Variants in GRID2 observed in about 807,000 individuals in gnomAD.
GRID2 encodes the protein glutamate ionotropic receptor delta type subunit 2.
A neutral mutation model predicts 114.8 loss-of-function variants in GRID2; 33 were observed. The ratio of observed to expected loss-of-function variants is 0.29; its 90% CI spans 0.22 to 0.38. GRID2 has a LOEUF of 0.38. Ranked by LOEUF, GRID2 falls within the 10% of genes least tolerant of loss-of-function variation. The pLI is 1.00. For missense variants in GRID2, 1,184 were observed against 1,257.7 expected, an observed-to-expected ratio of 0.94 and a Z score of 0.89; for synonymous variants, 505 against 449.9, an observed-to-expected ratio of 1.12 and a Z score of -1.55.
At chr4:93,616,852 A>G (rs994919313) in intron 13 of GRID2, among the ~76,000 whole-genome samples, 1 of 150,704 alleles carries the variant, frequency 6.6e-6, no homozygotes, top group African/African-American at 2.4e-5. Context: ...AAAATTAGCC[A>G]GGCGTGGTGG....
chr4:92,330,873 G>A (rs1484664525), intron 1 of GRID2, among the ~76,000 whole-genome samples: 1 of 152,034 alleles, frequency 6.6e-6, no homozygotes, highest in Non-Finnish European at 1.5e-5. Context: ...CTTCTCAAAT[G>A]TATATGAAAA....
At chr4:93,722,470 G>C (rs1382859775) in intron 14 of GRID2, among the ~76,000 whole-genome samples, 1 of 152,052 alleles carries the variant, frequency 6.6e-6, no homozygotes, top group African/African-American at 2.4e-5. Flanking sequence ...CAACACATCA[G>C]TGTCACTTCA....
chr4:92,450,934 T>C (rs1008472837), intron 1 of GRID2, among the ~76,000 whole-genome samples: 1 of 149,652 alleles, frequency 6.7e-6, no homozygotes, highest in African/African-American at 2.4e-5. Context: ...AAATTTAAAT[T>C]AAAATAAATT....
intron 4 of GRID2, 131 bp from the exon 5 acceptor site, chr4:93,207,273 A>G (rs552625094): frequency 7.1e-6 from 5 of 709,006 alleles, no homozygotes; most frequent in Admixed American, 4.2e-5. Flanking sequence ...TAATTTTTCC[A>G]TCTTCAATTG....
intron 14 of GRID2, among the ~76,000 whole-genome samples, chr4:93,637,314 G>T (rs1721497635): frequency 6.6e-6 from 1 of 152,078 alleles, no homozygotes; most frequent in South Asian, 2.1e-4. Flanking sequence ...AATATTATTA[G>T]TAGCTTTATT....
At position 93,224,614 on chromosome 4, in the gene GRID2, A is replaced by C. The variant is rs1338283545; in HGVS notation, c.964A>C (p.Ile322Leu). The change falls in exon 7 of 16, where the codon ATT (isoleucine) becomes CTT (leucine). Residue 322 changes from isoleucine (I) to leucine (L), a missense_variant and splice_region_variant. Around this residue, in one of 3 missense-constraint regions of GRID2, gnomAD observed 455 missense variants for 429.5 expected, o/e 1.06. Transcript: ENST00000282020. Reference protein sequence around the residue: ...PKDPFAQNMEISNLYIYDTVL... With the variant: ...PKDPFAQNMELSNLYIYDTVL... Reference sequence around the variant, plus strand: ...TGATCACTTTCTAATGTCTTTTCAGATTTCCAACCTTTACATATATGACAC... The same window carrying C: ...TGATCACTTTCTAATGTCTTTTCAGCTTTCCAACCTTTACATATATGACAC... The C allele has an allele frequency of 1.9e-6, 3 of 1,601,500 alleles. No individual in the cohort carries two copies. The African/African-American group carries it at 4.0e-5, about 22-fold the overall frequency.
chr4:92,932,786 T>C (rs950615697), intron 2 of GRID2, among the ~76,000 whole-genome samples: 2 of 151,288 alleles, frequency 1.3e-5, no homozygotes, highest in Admixed American at 6.6e-5. Flanking sequence ...AAAGTCTTTA[T>C]TGAGCTAAAA....
intron 2 of GRID2, among the ~76,000 whole-genome samples, chr4:92,771,112 T>A (rs2149352162): frequency 6.6e-6 from 1 of 152,256 alleles, no homozygotes; most frequent in South Asian, 2.1e-4. Flanking sequence ...AAACAAAACA[T>A]AATTTGCTTT....
intron 2 of GRID2, among the ~76,000 whole-genome samples, chr4:92,690,628 G>C (rs531116630): frequency 6.6e-6 from 1 of 152,072 alleles, no homozygotes; most frequent in Non-Finnish European, 1.5e-5. Context: ...AACAATATCC[G>C]TGGCATGCAA....
At chr4:92,555,344 A>G (rs1726800401) in intron 1 of GRID2, among the ~76,000 whole-genome samples, 1 of 152,218 alleles carries the variant, frequency 6.6e-6, no homozygotes, top group Non-Finnish European at 1.5e-5. Flanking sequence ...GGAGAAGAAC[A>G]TACCAGGATG....
At chr4:92,928,426 A>G (rs999306859) in intron 2 of GRID2, among the ~76,000 whole-genome samples, 1 of 151,646 alleles carries the variant, frequency 6.6e-6, no homozygotes. Flanking sequence ...AAATACACTA[A>G]TAGAGTTTCC....
At chr4:93,136,869 A>C (rs1362596978) in intron 4 of GRID2, among the ~76,000 whole-genome samples, 1 of 152,150 alleles carries the variant, frequency 6.6e-6, no homozygotes, top group Non-Finnish European at 1.5e-5. Context: ...TCCAAATCTT[A>C]AAGGCAAGGT....
intron 13 of GRID2, among the ~76,000 whole-genome samples, chr4:93,533,537 C>CTTTTTTTTTTTTTT (rs34014956): frequency 1.0e-4 from 9 of 86,512 alleles, no homozygotes; most frequent in East Asian, 6.6e-4. Context: ...CCACACCCAG[C>CTTTTTTTTTTTTTT]TTTTTTTTTT....
At chr4:93,083,076 A>G (rs1192268551) in intron 2 of GRID2, among the ~76,000 whole-genome samples, 1 of 152,122 alleles carries the variant, frequency 6.6e-6, no homozygotes, top group Non-Finnish European at 1.5e-5. Context: ...AAAATATTAT[A>G]TTTACTTAAT....
At chr4:92,627,468 CAAA>C (rs1730579103) in intron 2 of GRID2, among the ~76,000 whole-genome samples, 1 of 151,864 alleles carries the variant, frequency 6.6e-6, no homozygotes, top group African/African-American at 2.4e-5. Flanking sequence ...AGAAGTGTAA[CAAA>C]TAATATTTTA....
rs941877253 is a variant in GRID2, at chr4:93,580,163, G to A, written c.2194-46106G>A. ...AACATTTCTTCTTTGGTGTGTAGGG[G>A]TGAGATTTTTCAGTGAAGTGCTGCC... On this transcript the variant is annotated intron_variant, in intron 13 of 15. Transcript: ENST00000282020. Among the ~76,000 whole-genome samples, 41 of 152,272 alleles carry A rather than the reference G, an allele frequency of 2.7e-4. 1 individual carries two copies. The highest frequency in any genetic ancestry group is 2.6e-3 in the Admixed American group (39 of 15,288).
chr4:92,333,590 C>T (rs1727008074), intron 1 of GRID2, among the ~76,000 whole-genome samples: 1 of 152,048 alleles, frequency 6.6e-6, no homozygotes. Flanking sequence ...TAAATTTTTC[C>T]CTTCTGCTTC....
intron 4 of GRID2, among the ~76,000 whole-genome samples, chr4:93,116,753 T>TG (rs1201289887): frequency 1.2e-4 from 18 of 150,360 alleles, no homozygotes; most frequent in South Asian, 4.2e-4. Context: ...GGAAGAGGGT[T>TG]TTTTTTTTTT....
At chr4:93,152,166 A>T (rs1335387406) in intron 4 of GRID2, among the ~76,000 whole-genome samples, 1 of 152,170 alleles carries the variant, frequency 6.6e-6, no homozygotes, top group Non-Finnish European at 1.5e-5. Context: ...ATACAAAATA[A>T]TATAATTAAC....
Sources: allele counts gnomAD v4.1 joint callset (sites outside exome capture counted in the v4.1 genomes callset), GRCh38; gene constraint gnomAD v4.1.1; regional missense constraint gnomAD v4.1.1; transcripts MANE v1.5; gene names NCBI Gene and HGNC (gene_info 2026-07-23, HGNC 2026-07-21).